Variants in DMD observed in about 807,000 individuals in gnomAD.
DMD encodes dystrophin.
DMD carries 63 observed loss-of-function variants against 330.1 expected under a neutral mutation model. That is an observed-to-expected ratio of 0.19 (90% CI 0.16 to 0.24). The LOEUF (loss-of-function observed/expected upper bound fraction) is 0.24, where lower values mean the gene tolerates loss of function less well. Among genes scored for constraint, DMD ranks in the 10% least tolerant of loss-of-function variants. The pLI is 1.00. For missense variants in DMD, 3,344 were observed against 2,684.1 expected (o/e 1.25, Z -5.43); for synonymous variants, 1,223 against 959.8 (o/e 1.27, Z -5.07).
rs368938564 is a variant in DMD at position 32,813,451 on chromosome X, G to C, written c.530+3017C>G. Among the ~76,000 whole-genome samples the C allele has an allele frequency of 2.7e-5, 3 of 111,407 alleles. No individual in the cohort carries two copies. In the Admixed American group the frequency reaches 2.9e-4, roughly 11 times the overall value. On this transcript the variant is annotated intron_variant, in intron 6 of 78. Coordinates refer to ENST00000357033, the MANE Select transcript of DMD (RefSeq NM_004006.3). ...AGCCAAACAGTTTTAGGTAAATTAC[G>C]TAACCTCTCTATGACTCAATTTATC...
At chrX:32,944,887 T>C (rs1033140507) in intron 2 of DMD, among the ~76,000 whole-genome samples, 1 of 111,159 alleles carries the variant, frequency 9.0e-6, no homozygotes, top group African/African-American at 3.3e-5. Flanking sequence ...ATTACAGGCG[T>C]GAGACACCGC....
At chrX:32,111,911 T>C (rs1017767782) in intron 44 of DMD, among the ~76,000 whole-genome samples, 8 of 112,311 alleles carry the variant, frequency 7.1e-5, no homozygotes, top group Admixed American at 1.9e-4. Context: ...GGATTTATTA[T>C]ACAGAGGATA....
At chrX:32,659,376 T>C (rs920642763) in intron 9 of DMD, among the ~76,000 whole-genome samples, 3 of 111,600 alleles carry the variant, frequency 2.7e-5, no homozygotes, top group Non-Finnish European at 5.7e-5. Context: ...GAAATCCCTA[T>C]GGGGGAACTA....
chrX:31,422,051 TTTTC>T, intron 60 of DMD, among the ~76,000 whole-genome samples: 1 of 94,451 alleles, frequency 1.1e-5, no homozygotes, highest in African/African-American at 3.9e-5. Flanking sequence ...ATATTTTTTT[TTTTC>T]TTTTTCTTTT....
At chrX:31,451,271 C>T (rs1603016308) in intron 59 of DMD, among the ~76,000 whole-genome samples, 2 of 72,750 alleles carry the variant, frequency 2.7e-5, no homozygotes, top group East Asian at 4.6e-4. Context: ...CCTTTCCTTC[C>T]TTTCTTTCCT....
chrX:32,824,962 C>G (rs2078579112), intron 4 of DMD, among the ~76,000 whole-genome samples: 1 of 111,638 alleles, frequency 9.0e-6, no homozygotes, highest in Admixed American at 9.5e-5. Context: ...GAGAGAAATT[C>G]CTCCATAAGG....
chrX:31,320,570 C>G (rs889131733), intron 62 of DMD, among the ~76,000 whole-genome samples: 1 of 111,733 alleles, frequency 8.9e-6, no homozygotes, highest in African/African-American at 3.3e-5. Flanking sequence ...GACGGCATCT[C>G]AGATTATGAA....
chrX:32,702,225 G>A (rs2064202188), intron 7 of DMD, among the ~76,000 whole-genome samples: 2 of 112,166 alleles, frequency 1.8e-5, no homozygotes, highest in Non-Finnish European at 3.8e-5. Context: ...AATTTAAAAT[G>A]TGTTCCTCTA....
chrX:32,390,207 C>T (rs1412467019), intron 30 of DMD, 26 bp from the exon 31 acceptor site: 2 of 1,064,814 alleles, frequency 1.9e-6, no homozygotes, highest in Admixed American at 4.4e-5. Flanking sequence ...CATTATTAGT[C>T]AGCATGCTCT....
intron 1 of DMD, among the ~76,000 whole-genome samples, 158 bp downstream of exon 1, chrX:33,211,124 T>C (rs1347928840): frequency 1.8e-5 from 2 of 111,657 alleles, no homozygotes; most frequent in African/African-American, 3.3e-5. Flanking sequence ...AAAATATATA[T>C]TCCTGAATAA....
At chrX:32,457,693 A>T (rs2098366325) in intron 25 of DMD, among the ~76,000 whole-genome samples, 1 of 66,610 alleles carries the variant, frequency 1.5e-5, no homozygotes, top group African/African-American at 5.7e-5. Flanking sequence ...TTTTCTCGGT[A>T]AAACAAGAAG....
intron 1 of DMD, among the ~76,000 whole-genome samples, chrX:33,090,620 C>T (rs2095072901): frequency 9.2e-6 from 1 of 108,912 alleles, no homozygotes; most frequent in African/African-American, 3.3e-5. Context: ...CTTTTCTGGG[C>T]TTCATCTTCT....
At chrX:31,716,872 T>TAC (rs1556841889) in intron 52 of DMD, among the ~76,000 whole-genome samples, 13 of 106,216 alleles carry the variant, frequency 1.2e-4, no homozygotes, top group African/African-American at 4.4e-4. Flanking sequence ...TATATATATA[T>TAC]ACACATATAT....
chrX:32,065,562 A>T (rs2096254372), intron 44 of DMD, among the ~76,000 whole-genome samples: 1 of 112,092 alleles, frequency 8.9e-6, no homozygotes, highest in Admixed American at 9.5e-5. Context: ...TTTGAAAGTG[A>T]CATTTAACTT....
At chrX:32,204,801 G>T (rs1366047225) in intron 44 of DMD, among the ~76,000 whole-genome samples, 1 of 109,098 alleles carries the variant, frequency 9.2e-6, no homozygotes, top group Non-Finnish European at 1.9e-5. Flanking sequence ...AAACAGGTGG[G>T]GGTTGAGGTC....
intron 48 of DMD, among the ~76,000 whole-genome samples, chrX:31,862,901 G>C (rs1221677304): frequency 3.5e-5 from 4 of 112,712 alleles, no homozygotes; most frequent in Non-Finnish European, 5.6e-5. Flanking sequence ...TCTGAAGATC[G>C]AGAAAGAGGC....
At chrX:31,767,746 C>G (rs1244598414) in intron 51 of DMD, among the ~76,000 whole-genome samples, 1 of 112,038 alleles carries the variant, frequency 8.9e-6, no homozygotes, top group Non-Finnish European at 1.9e-5. Flanking sequence ...CAGATTTTGA[C>G]TGAATCTATT....
At chrX:32,862,497 A>G (rs1486355395) in intron 2 of DMD, among the ~76,000 whole-genome samples, 1 of 112,061 alleles carries the variant, frequency 8.9e-6, no homozygotes, top group Non-Finnish European at 1.9e-5. Flanking sequence ...ATGTTTTGTA[A>G]TAAAACTAAC....
intron 7 of DMD, among the ~76,000 whole-genome samples, chrX:32,803,971 T>C (rs1417536864): frequency 1.8e-5 from 2 of 112,167 alleles, no homozygotes; most frequent in African/African-American, 6.5e-5. Flanking sequence ...CTATTAGGTC[T>C]GCTTGGTCCA....
Sources: allele counts gnomAD v4.1 joint callset (sites outside exome capture counted in the v4.1 genomes callset), GRCh38; gene constraint gnomAD v4.1.1; transcripts MANE v1.5; gene names NCBI Gene and HGNC (gene_info 2026-07-23, HGNC 2026-07-21).